TSPAN31: variants seen among roughly 807,000 people sequenced by gnomAD.
TSPAN31 encodes the protein tetraspanin-31.
In TSPAN31, 16 loss-of-function variants were observed where a neutral mutation model predicts 24.8. That is an observed-to-expected ratio of 0.64 (90% confidence interval 0.44 to 0.98). The LOEUF (loss-of-function observed/expected upper bound fraction) is 0.98, where lower values mean the gene tolerates loss of function less well. TSPAN31 is among the 50% of genes least tolerant of loss of function. The probability of loss-of-function intolerance (pLI) is 0.00; values close to 1 mark genes in which losing one functional copy is unlikely to be tolerated. For synonymous variants in TSPAN31, 87 were observed against 91.4 expected, an observed-to-expected ratio of 0.95 and a Z score of 0.27; for missense variants, 209 against 251.6, an observed-to-expected ratio of 0.83 and a Z score of 1.15.
Position 57,748,178 on chromosome 12 carries a change from T to C in TSPAN31, c.*888T>C. 5.7e-6 allele frequency: 2 copies of C among 352,236 alleles called. No homozygotes were observed. The highest frequency in any genetic ancestry group is 4.6e-5 in the East Asian group (1 of 21,604). 21.8% of individuals were successfully genotyped at this position (352,236 alleles called of 1,614,324 possible). The stretch of plus-strand genomic sequence containing the variant: ...GAAAGTCCCTTCTTCCAAGTGGTTT[T>C]TCCAAATCGCACAATGGCAAAGCCA... On this transcript the variant is annotated 3_prime_UTR_variant, in exon 6 of 6. Coordinates refer to ENST00000257910, the MANE Select transcript of TSPAN31 (RefSeq NM_005981.5).
chr12:57,745,653 T>G, intron 1 of TSPAN31, 92 bp from the exon 2 acceptor site: 1 of 1,502,080 alleles, frequency 6.7e-7, no homozygotes, highest in Non-Finnish European at 9.1e-7. Flanking sequence ...CCATTATTCC[T>G]TCCCCCTGCC....
rs1244971282 is a variant in TSPAN31, at chr12:57,747,419, T to C, written c.*129T>C. 1 of 748,214 alleles carries C rather than the reference T, an allele frequency of 1.3e-6. No homozygotes were observed. Among genetic ancestry groups the C allele is most frequent in the Non-Finnish European group, 2.2e-6 (1 of 462,108 alleles). 46.3% of individuals were successfully genotyped at this position (748,214 alleles called of 1,614,324 possible). ...AGGCCCCTTGTCACATCCTCTAAAA[T>C]TGATGGAATAGCAAGACTTTATGCC... is the stretch of plus-strand genomic sequence containing the variant. On this transcript the variant is annotated 3_prime_UTR_variant, in exon 6 of 6. Coordinates refer to ENST00000257910, the MANE Select transcript of TSPAN31 (RefSeq NM_005981.5).
Position 57,747,436 on chromosome 12 carries a change from C to T in TSPAN31, c.*146C>T. 1.5e-6 allele frequency: 1 copy of T among 666,084 alleles called. No individual in the cohort carries two copies. The highest frequency in any genetic ancestry group is 2.7e-5 in the East Asian group (1 of 36,450). 41.3% of individuals were successfully genotyped at this position (666,084 alleles called of 1,614,324 possible). Reference sequence around the variant, plus strand: ...CTCTAAAATTGATGGAATAGCAAGACTTTATGCCTTGACATATTTTAGTGG... The same window carrying T: ...CTCTAAAATTGATGGAATAGCAAGATTTTATGCCTTGACATATTTTAGTGG... On this transcript the variant is annotated 3_prime_UTR_variant, in exon 6 of 6. Transcript: ENST00000257910.
chr12:57,746,133 C>A (rs371115531), intron 2 of TSPAN31, 43 bp from the exon 3 acceptor site: 69 of 1,555,774 alleles, frequency 4.4e-5, no homozygotes, highest in Non-Finnish European at 5.9e-5. Context: ...ATAGATGAAA[C>A]ATAAAGGAAT....
chr12:57,746,961 A>G (rs1955162497), intron 4 of TSPAN31, 57 bp from the exon 5 acceptor site: 1 of 1,484,480 alleles, frequency 6.7e-7, no homozygotes, highest in South Asian at 1.1e-5. Context: ...CGGCATAGGT[A>G]TTAGTCACTA....
At position 57,749,028 on chromosome 12, in the gene TSPAN31, C is replaced by T; in HGVS notation, c.*1738C>T. ...GCCAGGATGGGTTCTCTTCTATATCCTTCTCTGTGGGTGGCTATTTGCAGC... is the reference window on the plus strand; with the variant it reads ...GCCAGGATGGGTTCTCTTCTATATCTTTCTCTGTGGGTGGCTATTTGCAGC... On this transcript the variant is annotated 3_prime_UTR_variant, in exon 6 of 6. Coordinates refer to ENST00000257910, the MANE Select transcript of TSPAN31 (RefSeq NM_005981.5). 1.0e-6 allele frequency: 1 copy of T among 992,038 alleles called. No homozygotes were observed. Among genetic ancestry groups the T allele is most frequent in the Non-Finnish European group, 1.6e-6 (1 of 632,970 alleles). The allele number at this position is 992,038 out of a possible 1,614,324, so 61.5% of individuals were successfully genotyped here.
intron 4 of TSPAN31, 110 bp from the exon 5 acceptor site, chr12:57,746,908 T>C: frequency 7.4e-7 from 1 of 1,345,078 alleles, no homozygotes; most frequent in Non-Finnish European, 1.0e-6. Context: ...GATTTTAGTT[T>C]GTAGGACACT....
chr12:57,746,355 C>A (rs751633106), intron 3 of TSPAN31, 99 bp downstream of exon 3: 3 of 1,257,890 alleles, frequency 2.4e-6, no homozygotes, highest in African/African-American at 1.5e-5. Context: ...CAAAGATCAT[C>A]CTTAGGTGCA....
Position 57,749,673 on chromosome 12 carries a change from C to G in TSPAN31, c.*2383C>G. On this transcript the variant is annotated 3_prime_UTR_variant, in exon 6 of 6. Transcript: ENST00000257910. Reference sequence around the variant, plus strand: ...CTTGAGCCCAGGAGTTCTAGATCAGCCTGGGCAAGCAAGACCTTGTCTCTT... The same window carrying G: ...CTTGAGCCCAGGAGTTCTAGATCAGGCTGGGCAAGCAAGACCTTGTCTCTT... 1 of 698,192 alleles carries G rather than the reference C, an allele frequency of 1.4e-6. No individual in the cohort carries two copies. Among genetic ancestry groups the G allele is most frequent in the Non-Finnish European group, 2.6e-6 (1 of 387,466 alleles). 43.2% of individuals were successfully genotyped at this position (698,192 alleles called of 1,614,324 possible).
rs778454087 is a variant in TSPAN31 at position 57,747,934 on chromosome 12, G to A, written c.*644G>A. The stretch of plus-strand genomic sequence containing the variant: ...ATTTTGTATTTTTAGTAGAGACAGG[G>A]TTTCACCATGTTAGTCAGGCTGGTC... On this transcript the variant is annotated 3_prime_UTR_variant, in exon 6 of 6. Transcript: ENST00000257910. The A allele has an allele frequency of 7.8e-5, 15 of 191,450 alleles. No homozygotes were observed. Among genetic ancestry groups the A allele is most frequent in the Non-Finnish European group, 1.6e-4 (15 of 91,164 alleles). 11.9% of individuals were successfully genotyped at this position (191,450 alleles called of 1,614,324 possible).
rs1955134839 is a variant in TSPAN31, at chr12:57,745,392, T to C, written c.63+175T>C. 8.7e-6 allele frequency: 6 copies of C among 691,230 alleles called. No homozygotes were observed. The South Asian group carries it at 1.1e-4, about 13-fold the overall frequency. The allele number at this position is 691,230 out of a possible 1,614,324, so 42.8% of individuals were successfully genotyped here. ...TGGGAGAGAGGAGACTTCCGGTTGA[T>C]TAAGGGGGTTTGTCTGAGGGTGGGG... On this transcript the variant is annotated intron_variant, in intron 1 of 5. Transcript: ENST00000257910.
chr12:57,747,975 C>A lies in TSPAN31; in HGVS notation c.*685C>A. ...CAGGCTGGTCTCGAACTCCTGACCT[C>A]AGGTGATCCACCCGCGTTGGCCTCC... On this transcript the variant is annotated 3_prime_UTR_variant, in exon 6 of 6. Transcript: ENST00000257910. 1 of 210,878 alleles carries A rather than the reference C, an allele frequency of 4.7e-6. No individual in the cohort carries two copies. Among genetic ancestry groups the A allele is most frequent in the Admixed American group, 5.3e-5 (1 of 19,024 alleles). 13.1% of individuals were successfully genotyped at this position (210,878 alleles called of 1,614,324 possible).
chr12:57,745,080 C>CG lies in TSPAN31; in HGVS notation c.-71dup. 11 of 1,376,518 alleles carry CG rather than the reference C, an allele frequency of 8.0e-6. No individual in the cohort carries two copies. In the South Asian group the frequency reaches 1.4e-4, roughly 17 times the overall value. 85.3% of individuals were successfully genotyped at this position (1,376,518 alleles called of 1,614,324 possible). On this transcript the variant is annotated 5_prime_UTR_variant, in exon 1 of 6. Transcript: ENST00000257910. Reference sequence around the variant, plus strand: ...CTCGATTTAAAGAGACAGAAGCTGTCGGGGTCCTGGAAGACGGTCCCCAAT... The same window carrying CG: ...CTCGATTTAAAGAGACAGAAGCTGTCGGGGGTCCTGGAAGACGGTCCCCAAT...
chr12:57,747,341 C>T lies in TSPAN31; in HGVS notation c.*51C>T, dbSNP rs1300749850. The T allele has an allele frequency of 1.3e-6, 2 of 1,554,620 alleles. No homozygotes were observed. Among genetic ancestry groups the T allele is most frequent in the South Asian group, 1.1e-5 (1 of 89,388 alleles). The stretch of plus-strand genomic sequence containing the variant: ...TCTGCTCTCTCTAAGCTTTCTCTTC[C>T]TCCCTTAGGGAATATCTAGGGTCTG... On this transcript the variant is annotated 3_prime_UTR_variant, in exon 6 of 6. Transcript: ENST00000257910.
In TSPAN31 at chr12:57,748,192, A is replaced by G. The variant is rs199606572; in HGVS notation, c.*902A>G. ...CCAAGTGGTTTTTCCAAATCGCACAATGGCAAAGCCAAACAGAGGAAGAAA... is the reference window on the plus strand; with the variant it reads ...CCAAGTGGTTTTTCCAAATCGCACAGTGGCAAAGCCAAACAGAGGAAGAAA... On this transcript the variant is annotated 3_prime_UTR_variant, in exon 6 of 6. Transcript: ENST00000257910. The G allele has an allele frequency of 7.5e-5, 27 of 360,422 alleles. No individual in the cohort carries two copies. In the East Asian group the frequency reaches 1.1e-3, roughly 15 times the overall value. 22.3% of individuals were successfully genotyped at this position (360,422 alleles called of 1,614,324 possible).
At chr12:57,745,510 G>A in intron 1 of TSPAN31, 1 of 616,446 alleles carries the variant, frequency 1.6e-6, no homozygotes, top group Non-Finnish European at 2.8e-6. Flanking sequence ...GATCCTGAGG[G>A]TTCATCTTTT....
rs1481057693 is a variant in TSPAN31, at chr12:57,749,457, A to C, written c.*2167A>C. 6.2e-7 allele frequency: 1 copy of C among 1,614,118 alleles called. No homozygotes were observed. Among genetic ancestry groups the C allele is most frequent in the Non-Finnish European group, 8.5e-7 (1 of 1,180,034 alleles). On this transcript the variant is annotated 3_prime_UTR_variant, in exon 6 of 6. Transcript: ENST00000257910. ...TTCTCCCATGTTGGTCACTTACTCA[A>C]AGATTTTGCCCAACTGGTCGGCTTC...
rs2140383466 is a variant in TSPAN31, at chr12:57,749,380, C to T, written c.*2090C>T. ...CCAGTTCCCATCCCCATGGGCAGAG[C>T]CAGTTGCCATCCTGGGTTCAGCAGA... On this transcript the variant is annotated 3_prime_UTR_variant, in exon 6 of 6. Transcript: ENST00000257910. The T allele has an allele frequency of 6.2e-7, 1 of 1,613,104 alleles. No individual in the cohort carries two copies. The highest frequency in any genetic ancestry group is 1.3e-5 in the African/African-American group (1 of 75,026).
chr12:57,747,125 T>C lies in TSPAN31; in HGVS notation c.552T>C (p.Phe184=). The part of the protein sequence containing the change: ...ILGGVGLFFS[F]TEILGVWLAM... The stretch of plus-strand genomic sequence containing the variant: ...GGGGTGTTGGACTCTTCTTTAGCTT[T>C]ACAGAGGTAACATTCTCCAGTTCCC... The change falls in exon 5 of 6, where the codon TTT becomes TTC. Residue 184 remains phenylalanine, a synonymous_variant. Transcript: ENST00000257910. 1 of 1,614,090 alleles carries C rather than the reference T, an allele frequency of 6.2e-7. No homozygotes were observed. Among genetic ancestry groups the C allele is most frequent in the Non-Finnish European group, 8.5e-7 (1 of 1,179,920 alleles).
Sources: allele counts gnomAD v4.1 joint callset, GRCh38; gene constraint gnomAD v4.1.1; transcripts MANE v1.5; gene names NCBI Gene and HGNC (gene_info 2026-07-23, HGNC 2026-07-21).